ZCCHC14: variants seen among roughly 807,000 people sequenced by gnomAD.
ZCCHC14 encodes zinc finger CCHC-type containing 14.
In ZCCHC14, 16 loss-of-function variants were observed where a neutral mutation model predicts 85.0. The ratio of observed to expected loss-of-function variants is 0.19; its 90% CI spans 0.13 to 0.29. The LOEUF (loss-of-function observed/expected upper bound fraction) is 0.29. Among genes scored for constraint, ZCCHC14 ranks in the 10% least tolerant of loss-of-function variants. ZCCHC14 has a pLI of 1.00. For missense variants in ZCCHC14, 1,303 were observed against 1,443.5 expected (o/e 0.90, Z 1.58); for synonymous variants, 775 against 630.7 (o/e 1.23, Z -3.43).
intron 1 of ZCCHC14, among the ~76,000 whole-genome samples, chr16:87,469,187 A>C (rs1911667533): frequency 6.6e-6 from 1 of 152,180 alleles, no homozygotes; most frequent in African/African-American, 2.4e-5. Flanking sequence ...AGCTGGGACC[A>C]CAGGCATGAG....
At chr16:87,422,311 T>C (rs75218170) in intron 4 of ZCCHC14, among the ~76,000 whole-genome samples, 2,564 of 151,544 alleles carry the variant, frequency 0.017, 26 homozygotes, top group Middle Eastern at 0.044. Context: ...CACAGAGAAA[T>C]GCACAAGCAT....
At chr16:87,428,842 C>T (rs1041224937) in intron 3 of ZCCHC14, among the ~76,000 whole-genome samples, 4 of 152,224 alleles carry the variant, frequency 2.6e-5, no homozygotes, top group African/African-American at 4.8e-5. Context: ...ACACGAGATT[C>T]GTGCATATGG....
rs1003234156 is a variant in ZCCHC14, at chr16:87,493,014, T to C, written c.-776A>G. On this transcript the variant is annotated 5_prime_UTR_variant, in exon 1 of 13. Coordinates refer to ENST00000671377, the MANE Select transcript of ZCCHC14 (RefSeq NM_015144.3). ...GCTCGCGGCTGACGGGCGGCCGGGA[T>C]CAGCAGAAGTGGGCGGGGTGGCCGC... Among the ~76,000 whole-genome samples the C allele has an allele frequency of 2.6e-5, 4 of 151,796 alleles. No homozygotes were observed. The highest frequency in any genetic ancestry group is 2.1e-4 in the South Asian group (1 of 4,822).
chr16:87,489,254 G>A (rs1270096181), intron 1 of ZCCHC14, among the ~76,000 whole-genome samples: 1 of 152,108 alleles, frequency 6.6e-6, no homozygotes, highest in Non-Finnish European at 1.5e-5. Flanking sequence ...TTTGAAATAC[G>A]GAAATGACAG....
chr16:87,466,847 T>C (rs958484528), intron 1 of ZCCHC14, among the ~76,000 whole-genome samples: 3 of 152,126 alleles, frequency 2.0e-5, no homozygotes, highest in African/African-American at 4.8e-5. Context: ...CCACTCTCCA[T>C]GGCTAGGAGC....
intron 2 of ZCCHC14, among the ~76,000 whole-genome samples, chr16:87,453,266 C>A (rs1331505741): frequency 6.6e-6 from 1 of 152,226 alleles, no homozygotes; most frequent in African/African-American, 2.4e-5. Flanking sequence ...ACAGCTCCTA[C>A]AGGACCAACC....
rs1567505017 is a variant in ZCCHC14 at position 87,408,861 on chromosome 16, A to T, written c.*1419T>A. 1 of 152,662 alleles carries T rather than the reference A, an allele frequency of 6.6e-6. No individual in the cohort carries two copies. Among genetic ancestry groups the T allele is most frequent in the Non-Finnish European group, 1.5e-5 (1 of 68,046 alleles). The allele number at this position is 152,662 out of a possible 1,614,324, so 9.5% of individuals were successfully genotyped here. A position where few individuals can be genotyped will look rare whatever the true frequency, so the allele number is the denominator to read the frequency against. Reference sequence around the variant, plus strand: ...TATTATAATTTTTTTTAAAATAAATATCCAACTGCAAAATCCCAACTGCAA... The same window carrying T: ...TATTATAATTTTTTTTAAAATAAATTTCCAACTGCAAAATCCCAACTGCAA... On this transcript the variant is annotated 3_prime_UTR_variant, in exon 13 of 13. Transcript: ENST00000671377.
rs1178099619 is a variant in ZCCHC14 at position 87,409,714 on chromosome 16, AC to A, written c.*565del. 1 of 152,672 alleles carries A rather than the reference AC, an allele frequency of 6.5e-6. No individual in the cohort carries two copies. The highest frequency in any genetic ancestry group is 6.5e-5 in the Admixed American group (1 of 15,280). 9.5% of individuals were successfully genotyped at this position (152,672 alleles called of 1,614,324 possible). On this transcript the variant is annotated 3_prime_UTR_variant, in exon 13 of 13. Coordinates refer to ENST00000671377, the MANE Select transcript of ZCCHC14 (RefSeq NM_015144.3). ...AATATGGATTATTGGAGTCTCTTGC[AC>A]TGACTGTTCTCAGAGGAGTTTGGCT...
intron 2 of ZCCHC14, among the ~76,000 whole-genome samples, chr16:87,442,594 G>C (rs1910238872): frequency 6.6e-6 from 1 of 152,138 alleles, no homozygotes; most frequent in Non-Finnish European, 1.5e-5. Flanking sequence ...TAAAACTTTA[G>C]CGGTGGGACA....
chr16:87,450,104 T>C (rs568137976), intron 2 of ZCCHC14, among the ~76,000 whole-genome samples: 65 of 152,312 alleles, frequency 4.3e-4, no homozygotes, highest in African/African-American at 1.3e-3. Context: ...TTCTTCTAGG[T>C]CATATACAAG....
intron 1 of ZCCHC14, among the ~76,000 whole-genome samples, chr16:87,488,172 G>A (rs990181367): frequency 2.0e-5 from 3 of 152,138 alleles, no homozygotes; most frequent in African/African-American, 7.2e-5. Flanking sequence ...ATAAGCATGT[G>A]CACATACCAC....
At chr16:87,446,527 C>T (rs1910447512) in intron 2 of ZCCHC14, among the ~76,000 whole-genome samples, 1 of 151,758 alleles carries the variant, frequency 6.6e-6, no homozygotes, top group Non-Finnish European at 1.5e-5. Context: ...ACATGACCCA[C>T]AAACACAAAA....
intron 1 of ZCCHC14, chr16:87,467,048 T>G (rs1283799260): frequency 5.3e-5 from 15 of 280,480 alleles, no homozygotes; most frequent in East Asian, 1.9e-4. Flanking sequence ...AAAAATTGTT[T>G]TTTTTTTTTT....
At position 87,412,107 on chromosome 16, in the gene ZCCHC14, G is replaced by C; in HGVS notation, c.2614C>G (p.Leu872Val). The C allele has an allele frequency of 6.2e-7, 1 of 1,613,522 alleles. No individual in the cohort carries two copies. The highest frequency in any genetic ancestry group is 1.1e-5 in the South Asian group (1 of 91,090). ...AAACTGCTTTCAGGGACGGAGGACAGCGCCGGGCTGGAGCTGGGGGCTGGG... is the reference window on the plus strand; with the variant it reads ...AAACTGCTTTCAGGGACGGAGGACACCGCCGGGCTGGAGCTGGGGGCTGGG... ...SCPAPSSSPA[L>V]SSVPESSFYS... Residue 872 changes from leucine (L) to valine (V), a missense_variant, in exon 12 of 13, where the codon CTG becomes GTG. Around this residue, in one of 7 missense-constraint regions of ZCCHC14, gnomAD observed 797 missense variants for 730.8 expected, o/e 1.09. Coordinates refer to ENST00000671377, the MANE Select transcript of ZCCHC14 (RefSeq NM_015144.3).
At chr16:87,436,730 A>G (rs1036874252) in intron 2 of ZCCHC14, among the ~76,000 whole-genome samples, 1 of 151,890 alleles carries the variant, frequency 6.6e-6, no homozygotes, top group Admixed American at 6.5e-5. Context: ...CTTAAAAGAA[A>G]AAAAGAAAAA....
At chr16:87,415,965 C>G (rs1330844615) in intron 8 of ZCCHC14, among the ~76,000 whole-genome samples, 1 of 152,104 alleles carries the variant, frequency 6.6e-6, no homozygotes, top group Non-Finnish European at 1.5e-5. Context: ...TTCACTCTGT[C>G]ACCTAGGCTG....
At position 87,411,608 on chromosome 16, in the gene ZCCHC14, T is replaced by C; in HGVS notation, c.3113A>G (p.Lys1038Arg). ...GTAACAAGATAGGTTCCCGCTCTTT[T>C]TGTGACTGGAACCATTGCTACTGCC... ...LVGSSNGSSH[K>R]KSGNLSCYNC... The change falls in exon 12 of 13, where the codon AAA (lysine) becomes AGA (arginine). Residue 1038 changes from lysine to arginine, a missense_variant. By Grantham distance (26) the Lys-to-Arg change is conservative. Coordinates refer to ENST00000671377, the MANE Select transcript of ZCCHC14 (RefSeq NM_015144.3). 6.2e-7 allele frequency: 1 copy of C among 1,613,908 alleles called. No individual in the cohort carries two copies. Among genetic ancestry groups the C allele is most frequent in the Non-Finnish European group, 8.5e-7 (1 of 1,180,022 alleles).
chr16:87,424,182 T>C (rs1291621338), intron 3 of ZCCHC14, among the ~76,000 whole-genome samples: 2 of 152,240 alleles, frequency 1.3e-5, no homozygotes, highest in African/African-American at 2.4e-5. Context: ...ATTGCTTGTG[T>C]GTGCCCTGTT....
chr16:87,417,358 T>C (rs1169510306), intron 8 of ZCCHC14, 102 bp downstream of exon 8: 3 of 1,515,516 alleles, frequency 2.0e-6, no homozygotes, highest in Non-Finnish European at 2.7e-6. Flanking sequence ...TCGGCCTCCG[T>C]ACTTCATCCA....
Sources: allele counts gnomAD v4.1 joint callset (sites outside exome capture counted in the v4.1 genomes callset), GRCh38; gene constraint gnomAD v4.1.1; regional missense constraint gnomAD v4.1.1; transcripts MANE v1.5; gene names NCBI Gene and HGNC (gene_info 2026-07-23, HGNC 2026-07-21).